Variants in GPC1 observed in about 807,000 individuals in gnomAD.
The protein encoded by GPC1 is glypican-1.
In GPC1, 26 loss-of-function variants were observed where a neutral mutation model predicts 51.5. The observed-to-expected ratio is 0.50, with a 90% CI of 0.37 to 0.70. GPC1 has a LOEUF of 0.70. Ranked by LOEUF, GPC1 falls within the 30% of genes least tolerant of loss-of-function variation. GPC1 has a pLI of 0.00. For synonymous variants in GPC1, 380 were observed against 348.3 expected, an observed-to-expected ratio of 1.09 and a Z score of -1.01; for missense variants, 775 against 800.5, an observed-to-expected ratio of 0.97 and a Z score of 0.38.
rs748371648 is a variant in GPC1 at position 240,465,569 on chromosome 2, G to A, written c.1365G>A (p.Gln455=). Residue 455 remains glutamine, a synonymous_variant, in exon 8 of 9, where the codon CAG becomes CAA. Transcript: ENST00000264039. Reference sequence around the variant, plus strand: ...CCAAGCCGGACATGACCATCCGGCAGCAGATCATGCAGCTGAAGATCATGA... The same window carrying A: ...CCAAGCCGGACATGACCATCCGGCAACAGATCATGCAGCTGAAGATCATGA... ...DITKPDMTIR[Q]QIMQLKIMTN... is the part of the protein sequence containing the mutation. 2.6e-5 allele frequency: 42 copies of A among 1,613,078 alleles called. No individual in the cohort carries two copies. The highest frequency in any genetic ancestry group is 6.7e-5 in the Admixed American group (4 of 60,008).
intron 1 of GPC1, chr2:240,456,780 T>TG: frequency 2.7e-6 from 1 of 364,206 alleles, no homozygotes; most frequent in Admixed American, 3.3e-5. Context: ...GGGGTGGGAC[T>TG]GGGGCAGAAT....
chr2:240,447,551 A>G (rs1181498641), intron 1 of GPC1, among the ~76,000 whole-genome samples: 3 of 151,922 alleles, frequency 2.0e-5, no homozygotes. Flanking sequence ...GGAAAGCCAC[A>G]CCCTTGGCCG....
intron 1 of GPC1, among the ~76,000 whole-genome samples, chr2:240,437,148 T>C (rs952295694): frequency 6.6e-6 from 1 of 152,118 alleles, no homozygotes; most frequent in Non-Finnish European, 1.5e-5. Context: ...GGTGGAGGGC[T>C]ACTCAGATGG....
At chr2:240,464,168 C>G (rs2074240069) in intron 4 of GPC1, 1 of 225,184 alleles carries the variant, frequency 4.4e-6, no homozygotes, top group Non-Finnish European at 9.0e-6. Flanking sequence ...TGTACATGTG[C>G]TCACCGTGCA....
intron 1 of GPC1, among the ~76,000 whole-genome samples, chr2:240,445,322 A>G (rs2074042293): frequency 6.6e-6 from 1 of 152,146 alleles, no homozygotes. Flanking sequence ...AAGCGGGAGC[A>G]GTTGCCCTGG....
rs1309482059 is a variant in GPC1, at chr2:240,435,984, CG to C, written c.70del (p.Asp24ThrfsTer23). On this transcript the variant is annotated frameshift_variant, in exon 1 of 9. Transcript: ENST00000264039. LOFTEE classifies it high-confidence loss of function. ...AAAALVACAR[G>X]DPASKSRSCG... ...CCGCAGCGCTGGTCGCCTGCGCCCG[CG>C]GGGACCCGGCCAGCAAGAGCCGGAG... 1.5e-6 allele frequency: 2 copies of C among 1,368,056 alleles called. No individual in the cohort carries two copies. Among genetic ancestry groups the C allele is most frequent in the African/African-American group, 1.5e-5 (1 of 66,860 alleles). The allele number at this position is 1,368,056 out of a possible 1,614,324, so 84.7% of individuals were successfully genotyped here.
chr2:240,444,062 A>G (rs1251765006), intron 1 of GPC1, among the ~76,000 whole-genome samples: 1 of 152,288 alleles, frequency 6.6e-6, no homozygotes, highest in East Asian at 1.9e-4. Context: ...CCTGAGGGGC[A>G]CCGGGAGCGC....
At chr2:240,456,448 G>A (rs1017760432) in intron 1 of GPC1, 6 of 381,750 alleles carry the variant, frequency 1.6e-5, no homozygotes, top group Non-Finnish European at 2.8e-5. Flanking sequence ...CAGCTCACTC[G>A]GTTCCTGTGG....
At chr2:240,451,383 G>A (rs2074098741) in intron 1 of GPC1, 1 of 410,020 alleles carries the variant, frequency 2.4e-6, no homozygotes, top group Admixed American at 2.7e-5. Flanking sequence ...GCCTCCTTGG[G>A]TGCCTGTGGC....
chr2:240,435,772 C>T lies in GPC1; in HGVS notation c.-147C>T, dbSNP rs1010658630. 3 of 426,008 alleles carry T rather than the reference C, an allele frequency of 7.0e-6. No homozygotes were observed. Among genetic ancestry groups the T allele is most frequent in the African/African-American group, 4.2e-5 (2 of 47,686 alleles). The allele number at this position is 426,008 out of a possible 1,614,324, so 26.4% of individuals were successfully genotyped here. On this transcript the variant is annotated 5_prime_UTR_variant, in exon 1 of 9. Transcript: ENST00000264039. Reference sequence around the variant, plus strand: ...CCGCCGCCGCCGGCTTTTGTTGTCTCCGCCTCCTCGGCCGCCGCCGCCTCT... The same window carrying T: ...CCGCCGCCGCCGGCTTTTGTTGTCTTCGCCTCCTCGGCCGCCGCCGCCTCT...
rs1559204744 is a variant in GPC1, at chr2:240,466,391, G to T, written c.*101G>T. 4 of 706,756 alleles carry T rather than the reference G, an allele frequency of 5.7e-6. No individual in the cohort carries two copies. In the East Asian group the frequency reaches 8.1e-5, roughly 14 times the overall value. 43.8% of individuals were successfully genotyped at this position (706,756 alleles called of 1,614,324 possible). ...CTCAGCCTGGAGAGGCCTGGGGTGG[G>T]ACAGGGAGGGCCGGCGGCTCTGAGC... On this transcript the variant is annotated 3_prime_UTR_variant, in exon 9 of 9. Transcript: ENST00000264039.
intron 1 of GPC1, chr2:240,455,852 C>G (rs1038769533): frequency 2.8e-5 from 8 of 281,072 alleles, no homozygotes; most frequent in Non-Finnish European, 5.6e-5. Context: ...CGGGCCGGAG[C>G]TCCGCAGAAG....
Position 240,466,416 on chromosome 2 carries a change from C to T in GPC1, c.*126C>T, listed in dbSNP as rs2074262382. On this transcript the variant is annotated 3_prime_UTR_variant, in exon 9 of 9. Transcript: ENST00000264039. ...GACAGGGAGGGCCGGCGGCTCTGAG[C>T]AGGGGCAGGCGCAGAGGTCCCAGCC... 2.3e-5 allele frequency: 14 copies of T among 618,736 alleles called. No individual in the cohort carries two copies. The South Asian group carries it at 2.8e-4, about 12-fold the overall frequency. 38.3% of individuals were successfully genotyped at this position (618,736 alleles called of 1,614,324 possible).
At chr2:240,449,895 G>A (rs910209399) in intron 1 of GPC1, 5 of 470,646 alleles carry the variant, frequency 1.1e-5, no homozygotes, top group East Asian at 6.9e-5. Context: ...TCCTTTTCAC[G>A]GATTAATCCT....
intron 2 of GPC1, 46 bp from the exon 3 acceptor site, chr2:240,462,145 C>T (rs764171304): frequency 6.7e-6 from 10 of 1,499,888 alleles, no homozygotes; most frequent in African/African-American, 1.4e-5. Context: ...CCAGCTGCCA[C>T]GGCGGGGGAA....
intron 4 of GPC1, chr2:240,463,852 A>G (rs747009625): frequency 2.7e-5 from 9 of 335,540 alleles, no homozygotes; most frequent in Non-Finnish European, 5.0e-5. Context: ...ACATACATGC[A>G]CCGTCACATG....
intron 1 of GPC1, among the ~76,000 whole-genome samples, chr2:240,445,877 CG>C (rs1463515957): frequency 3.3e-5 from 5 of 152,170 alleles, no homozygotes; most frequent in African/African-American, 1.2e-4. Flanking sequence ...GTATTAGGCC[CG>C]TTGCGGCTCC....
intron 1 of GPC1, among the ~76,000 whole-genome samples, chr2:240,444,873 A>G (rs2074039483): frequency 6.6e-6 from 1 of 152,174 alleles, no homozygotes; most frequent in Non-Finnish European, 1.5e-5. Context: ...AACCGGGGCC[A>G]GGAGGCCCAT....
rs1447063367 is a variant in GPC1 at position 240,466,730 on chromosome 2, C to T, written c.*440C>T. ...CACCAGCCAGCCCTGGCCCACCCCC[C>T]AGCCTCCAGAGAAGCCCCGCACGGG... On this transcript the variant is annotated 3_prime_UTR_variant, in exon 9 of 9. Transcript: ENST00000264039. 1.8e-5 allele frequency: 3 copies of T among 168,960 alleles called. No individual in the cohort carries two copies. The highest frequency in any genetic ancestry group is 4.8e-5 in the African/African-American group (2 of 42,008). 10.5% of individuals were successfully genotyped at this position (168,960 alleles called of 1,614,324 possible).
Sources: allele counts gnomAD v4.1 joint callset (sites outside exome capture counted in the v4.1 genomes callset), GRCh38; gene constraint gnomAD v4.1.1; transcripts MANE v1.5; gene names NCBI Gene and HGNC (gene_info 2026-07-23, HGNC 2026-07-21).